ASAP1: variants seen among roughly 807,000 people sequenced by gnomAD.
ASAP1 encodes arf-GAP with SH3 domain, ANK repeat and PH domain-containing protein 1.
ASAP1 carries 43 observed loss-of-function variants against 145.2 expected under a neutral mutation model. The ratio of observed to expected loss-of-function variants is 0.30; its 90% CI spans 0.23 to 0.38. ASAP1 has a LOEUF of 0.38. Ranked by LOEUF, ASAP1 falls within the 10% of genes least tolerant of loss-of-function variation. The pLI is 1.00. For synonymous variants in ASAP1, 546 were observed against 515.5 expected, an observed-to-expected ratio of 1.06 and a Z score of -0.80; for missense variants, 1,018 against 1,355.3, an observed-to-expected ratio of 0.75 and a Z score of 3.91.
At chr8:130,152,937 A>T (rs1370665427) in intron 12 of ASAP1, 132 bp from the exon 13 acceptor site, 1 of 604,882 alleles carries the variant, frequency 1.7e-6, no homozygotes, top group Admixed American at 3.3e-5. Flanking sequence ...CCCCAAAAAA[A>T]TCCTGGTTGC....
intron 24 of ASAP1, among the ~76,000 whole-genome samples, chr8:130,100,005 T>C (rs184864432): frequency 2.8e-4 from 42 of 152,304 alleles, no homozygotes; most frequent in Non-Finnish European, 1.8e-4. Context: ...ATATACTGAT[T>C]TCCTTTGCAC....
intron 1 of ASAP1, among the ~76,000 whole-genome samples, chr8:130,435,969 C>T (rs958592542): frequency 5.3e-5 from 8 of 152,308 alleles, no homozygotes; most frequent in African/African-American, 1.9e-4. Flanking sequence ...TCTGTGGAGA[C>T]ATCTCTGCTA....
chr8:130,425,926 T>C (rs1044331405), intron 1 of ASAP1, among the ~76,000 whole-genome samples: 1 of 152,200 alleles, frequency 6.6e-6, no homozygotes, highest in Non-Finnish European at 1.5e-5. Context: ...AAATCCATAC[T>C]TTCAGAGTTC....
At chr8:130,237,219 G>A (rs879734234) in intron 3 of ASAP1, among the ~76,000 whole-genome samples, 2 of 152,042 alleles carry the variant, frequency 1.3e-5, no homozygotes, top group Admixed American at 6.6e-5. Context: ...GTGTGAAATG[G>A]ATAGCATTTT....
At chr8:130,165,974 A>G (rs1057455486) in intron 11 of ASAP1, among the ~76,000 whole-genome samples, 1 of 152,166 alleles carries the variant, frequency 6.6e-6, no homozygotes, top group Non-Finnish European at 1.5e-5. Flanking sequence ...ACTGACTATA[A>G]AAATGCTGTA....
At chr8:130,079,714 G>A (rs879480787) in intron 26 of ASAP1, among the ~76,000 whole-genome samples, 188 bp downstream of exon 26, 2 of 152,032 alleles carry the variant, frequency 1.3e-5, no homozygotes, top group Admixed American at 1.3e-4. Flanking sequence ...CTGCAGACCT[G>A]TGCCCAGTCC....
chr8:130,081,738 G>A lies in ASAP1; in HGVS notation c.2573-1767C>T, dbSNP rs1028166135. Among the ~76,000 whole-genome samples, 5 of 152,222 alleles carry A rather than the reference G, an allele frequency of 3.3e-5. No homozygotes were observed. In the East Asian group the frequency reaches 7.7e-4, roughly 24 times the overall value. On this transcript the variant is annotated intron_variant, in intron 25 of 29. Transcript: ENST00000518721. ...GGAAATGAGACTAAATGAATAAATGGCTGCAGGTCCCGTGGGGAAATGGTG... is the reference window on the plus strand; with the variant it reads ...GGAAATGAGACTAAATGAATAAATGACTGCAGGTCCCGTGGGGAAATGGTG...
intron 3 of ASAP1, among the ~76,000 whole-genome samples, chr8:130,285,128 G>C (rs768375674): frequency 2.0e-5 from 3 of 152,078 alleles, no homozygotes; most frequent in East Asian, 3.8e-4. Flanking sequence ...GAGAACACCA[G>C]ACCTAAGAGA....
intron 13 of ASAP1, among the ~76,000 whole-genome samples, chr8:130,147,295 T>C (rs936395495): frequency 2.0e-5 from 3 of 151,580 alleles, no homozygotes; most frequent in Non-Finnish European, 2.9e-5. Flanking sequence ...TACTAATAGC[T>C]GACATTTATT....
intron 24 of ASAP1, among the ~76,000 whole-genome samples, chr8:130,102,381 T>C (rs1227512195): frequency 1.3e-5 from 2 of 152,248 alleles, no homozygotes; most frequent in Non-Finnish European, 2.9e-5. Context: ...TTCATTCTGT[T>C]GATGTGGTGT....
intron 24 of ASAP1, among the ~76,000 whole-genome samples, chr8:130,106,173 A>G (rs1459595201): frequency 1.3e-5 from 2 of 152,046 alleles, no homozygotes; most frequent in Non-Finnish European, 2.9e-5. Flanking sequence ...AAGGCCAAAA[A>G]CCCAAATGCA....
chr8:130,242,283 A>G (rs1370229361), intron 3 of ASAP1, among the ~76,000 whole-genome samples: 9 of 122,764 alleles, frequency 7.3e-5, no homozygotes, highest in South Asian at 2.6e-4. Flanking sequence ...AAAAAAAAAA[A>G]CAACTTTTTT....
intron 25 of ASAP1, among the ~76,000 whole-genome samples, chr8:130,086,807 A>T (rs2097494353): frequency 6.6e-6 from 1 of 152,202 alleles, no homozygotes; most frequent in African/African-American, 2.4e-5. Context: ...CTGCCTCAAA[A>T]ACAAAGAAAA....
chr8:130,211,400 C>T (rs536433440), intron 5 of ASAP1, among the ~76,000 whole-genome samples: 4 of 152,276 alleles, frequency 2.6e-5, no homozygotes, highest in East Asian at 3.9e-4. Context: ...CTTGATCGTA[C>T]TTTCTATAAT....
At chr8:130,170,508 A>T (rs1322815052) in intron 9 of ASAP1, among the ~76,000 whole-genome samples, 1 of 152,176 alleles carries the variant, frequency 6.6e-6, no homozygotes, top group Non-Finnish European at 1.5e-5. Flanking sequence ...TTCAGTGTTC[A>T]GTGGCAATAA....
chr8:130,153,313 T>C (rs1455819822), intron 12 of ASAP1, among the ~76,000 whole-genome samples: 2 of 139,650 alleles, frequency 1.4e-5, no homozygotes, highest in African/African-American at 2.7e-5. Context: ...CCACAGCACC[T>C]GGCCAGCACT....
chr8:130,274,584 C>T (rs796825584), intron 3 of ASAP1, among the ~76,000 whole-genome samples: 5 of 152,342 alleles, frequency 3.3e-5, no homozygotes, highest in African/African-American at 1.2e-4. Context: ...CAACCTCTGC[C>T]TCTCTTCTCA....
intron 29 of ASAP1, among the ~76,000 whole-genome samples, chr8:130,056,697 A>G (rs890879720): frequency 3.3e-5 from 5 of 152,178 alleles, no homozygotes; most frequent in Admixed American, 6.5e-5. Context: ...ATGTATATAC[A>G]TATGTATTTC....
At chr8:130,344,178 T>C (rs1176615093) in intron 3 of ASAP1, among the ~76,000 whole-genome samples, 1 of 151,834 alleles carries the variant, frequency 6.6e-6, no homozygotes, top group Admixed American at 6.6e-5. Context: ...TGAATTACAA[T>C]GAAAAAAAGA....
Sources: allele counts gnomAD v4.1 joint callset (sites outside exome capture counted in the v4.1 genomes callset), GRCh38; gene constraint gnomAD v4.1.1; transcripts MANE v1.5; gene names NCBI Gene and HGNC (gene_info 2026-07-23, HGNC 2026-07-21).